Variants in XPO1 observed in about 807,000 individuals in gnomAD.
XPO1 encodes exportin-1.
A neutral mutation model predicts 133.3 loss-of-function variants in XPO1; 5 were observed. The ratio of observed to expected loss-of-function variants is 0.04; its 90% confidence interval spans 0.02 to 0.08. XPO1 has a LOEUF of 0.08. XPO1 is among the 10% of genes least tolerant of loss of function. The pLI is 1.00. For missense variants in XPO1, 506 were observed against 1,267.5 expected (o/e 0.40, Z 9.12); for synonymous variants, 419 against 408.2 (o/e 1.03, Z -0.32).
In XPO1 at chr2:61,492,257, A is replaced by C; in HGVS notation, c.1724-59T>G. 1 of 1,588,920 alleles carries C rather than the reference A, an allele frequency of 6.3e-7. No homozygotes were observed. Among genetic ancestry groups the C allele is most frequent in the South Asian group, 1.2e-5 (1 of 86,520 alleles). On this transcript the variant is annotated intron_variant, in intron 15 of 24. Coordinates refer to ENST00000401558, the MANE Select transcript of XPO1 (RefSeq NM_003400.4). The surrounding 1 kb of genome is among the most constrained non-coding windows in gnomAD (Gnocchi z 5.6). The stretch of plus-strand genomic sequence containing the variant: ...TGGACTCCATCATGGGTCTCTAACA[A>C]GACAAAAACATTCATTTATTTTCTT...
Position 61,526,472 on chromosome 2 carries a change from G to A in XPO1, c.176C>T (p.Ala59Val). 6.2e-7 allele frequency: 1 copy of A among 1,608,042 alleles called. No individual in the cohort carries two copies. Among genetic ancestry groups the A allele is most frequent in the Non-Finnish European group, 8.5e-7 (1 of 1,178,612 alleles). The change falls in exon 3 of 25, where the codon GCT becomes GTT. Residue 59 changes from alanine to valine, a missense_variant. Transcript: ENST00000401558. ...CAAAATTGTGTCGACTCTTGTCCAAGCATCAGGATGCTCCTTTAAATGTGT... is the reference window on the plus strand; with the variant it reads ...CAAAATTGTGTCGACTCTTGTCCAAACATCAGGATGCTCCTTTAAATGTGT... The part of the protein sequence containing the change: ...VLTHLKEHPD[A>V]WTRVDTILEF...
intron 2 of XPO1, among the ~76,000 whole-genome samples, chr2:61,533,374 T>G (rs1699240739): frequency 6.6e-6 from 1 of 152,194 alleles, no homozygotes; most frequent in Non-Finnish European, 1.5e-5. Flanking sequence ...TGCACAAAAT[T>G]CAACTAACAT....
intron 4 of XPO1, among the ~76,000 whole-genome samples, chr2:61,519,993 T>C (rs1698610752): frequency 6.6e-6 from 1 of 152,140 alleles, no homozygotes; most frequent in Non-Finnish European, 1.5e-5. Flanking sequence ...CTTTTACATG[T>C]GTTTTGTCTT....
rs1366226074 is a variant in XPO1, at chr2:61,478,471, T to C, written c.*349A>G. On this transcript the variant is annotated 3_prime_UTR_variant, in exon 25 of 25. Coordinates refer to ENST00000401558, the MANE Select transcript of XPO1 (RefSeq NM_003400.4). ...AATGCTCCCTAATTAAAAATTGGTA[T>C]TGTTTACAGGAAAAATTGTATAATT... is the stretch of plus-strand genomic sequence containing the variant. 1 of 272,210 alleles carries C rather than the reference T, an allele frequency of 3.7e-6. No individual in the cohort carries two copies. The highest frequency in any genetic ancestry group is 5.6e-5 in the East Asian group (1 of 17,892). The allele number at this position is 272,210 out of a possible 1,614,324, so 16.9% of individuals were successfully genotyped here. A position where few individuals can be genotyped will look rare whatever the true frequency, so the allele number is the denominator to read the frequency against.
At chr2:61,489,973 C>T (rs1696893069) in intron 17 of XPO1, among the ~76,000 whole-genome samples, 2 of 151,432 alleles carry the variant, frequency 1.3e-5, no homozygotes, top group Admixed American at 1.3e-4. Flanking sequence ...TCACTGCAAG[C>T]TCCGCCTCCT....
At chr2:61,487,858 A>G (rs1216662320) in intron 19 of XPO1, among the ~76,000 whole-genome samples, 1 of 152,202 alleles carries the variant, frequency 6.6e-6, no homozygotes, top group African/African-American at 2.4e-5. Context: ...AGAGGAATGC[A>G]AAAACTGCAC....
intron 4 of XPO1, chr2:61,502,542 C>G (rs1418880696): frequency 2.6e-6 from 1 of 379,006 alleles, no homozygotes; most frequent in Non-Finnish European, 4.8e-6. Flanking sequence ...CACCTGAGGC[C>G]AGGAATTCGA....
intron 2 of XPO1, 148 bp from the exon 3 acceptor site, chr2:61,526,669 C>T (rs1698915522): frequency 3.6e-6 from 2 of 558,494 alleles, no homozygotes; most frequent in South Asian, 8.1e-5. Flanking sequence ...TTAGACCTTA[C>T]AGAAATAGAA....
chr2:61,487,236 TTAA>T lies in XPO1; in HGVS notation c.2313+926_2313+928del, dbSNP rs1274955108. The stretch of plus-strand genomic sequence containing the variant: ...TGAACAAATATCCCAAACTTTAACA[TTAA>T]TGTTACAAAAGATGATACCCTTTGT... On this transcript the variant is annotated intron_variant, in intron 19 of 24. Transcript: ENST00000401558. 8.4e-4 allele frequency among the ~76,000 whole-genome samples: 128 copies of T among 152,248 alleles called. 1 individual carries two copies. Among genetic ancestry groups the T allele is most frequent in the Non-Finnish European group, 2.2e-4 (15 of 68,022 alleles).
At chr2:61,497,313 G>C (rs1697287294) in intron 9 of XPO1, among the ~76,000 whole-genome samples, 1 of 152,090 alleles carries the variant, frequency 6.6e-6, no homozygotes, top group African/African-American at 2.4e-5. Flanking sequence ...TTGGATTCAA[G>C]CGATTCTCCT....
rs1476712773 is a variant in XPO1, at chr2:61,492,318, G to A, written c.1723+7C>T. The A allele has an allele frequency of 1.3e-6, 2 of 1,585,748 alleles. No homozygotes were observed. The highest frequency in any genetic ancestry group is 2.3e-5 in the South Asian group (2 of 85,316). On this transcript the variant is annotated splice_region_variant and intron_variant, in intron 15 of 24. Coordinates refer to ENST00000401558, the MANE Select transcript of XPO1 (RefSeq NM_003400.4). The surrounding 1 kb of genome is among the most constrained non-coding windows in gnomAD (Gnocchi z 5.6). ...AAAAGCAAAATATAGTAAAGAAAGA[G>A]ATTTACCATGCATGAATTCGAACAG...
intron 17 of XPO1, among the ~76,000 whole-genome samples, chr2:61,489,623 C>T (rs530863583): frequency 8.0e-5 from 12 of 150,418 alleles, no homozygotes; most frequent in African/African-American, 2.7e-4. Context: ...GGCGTGATCT[C>T]GGCTCACTGC....
Position 61,492,504 on chromosome 2 carries a change from T to C in XPO1, c.1567-23A>G, listed in dbSNP as rs2104433665. The C allele has an allele frequency of 6.3e-7, 1 of 1,588,652 alleles. No homozygotes were observed. Among genetic ancestry groups the C allele is most frequent in the South Asian group, 1.2e-5 (1 of 86,174 alleles). On this transcript the variant is annotated intron_variant, in intron 14 of 24. Coordinates refer to ENST00000401558, the MANE Select transcript of XPO1 (RefSeq NM_003400.4). The surrounding 1 kb of genome is among the most constrained non-coding windows in gnomAD (Gnocchi z 5.6). ...ATCCTGTAAATAAGACAAATTTGTA[T>C]TATTTATTGTAACAACATAATACTT...
chr2:61,483,567 CATGA>C (rs1248703355), intron 21 of XPO1: 6 of 184,646 alleles, frequency 3.2e-5, no homozygotes, highest in Non-Finnish European at 2.2e-5. Flanking sequence ...AAAAGAACCT[CATGA>C]ATATTTTTTA....
At position 61,482,392 on chromosome 2, in the gene XPO1, G is replaced by A. The variant is rs762915385; in HGVS notation, c.2960C>T (p.Pro987Leu). ...YVANLLKSAFPHLQDAQVKLF... is the reference protein window; with the variant it reads ...YVANLLKSAFLHLQDAQVKLF... ...AAGGTATATTTACTCTTGTAGGTGA[G>A]GGAAGGCCGACTTAAGGAGATTAGC... Residue 987 changes from proline (P) to leucine (L), a missense_variant, in exon 23 of 25, where the codon CCT (proline) becomes CTT (leucine). Pro to Leu is a moderately conservative substitution (Grantham distance 98). This residue lies in a region of XPO1 where 203 missense variants were observed against 365.9 expected (regional missense o/e 0.55). Coordinates refer to ENST00000401558, the MANE Select transcript of XPO1 (RefSeq NM_003400.4). 2 of 1,608,674 alleles carry A rather than the reference G, an allele frequency of 1.2e-6. No homozygotes were observed. Among genetic ancestry groups the A allele is most frequent in the Non-Finnish European group, 1.7e-6 (2 of 1,178,360 alleles).
At chr2:61,486,181 A>G (rs1696683117) in intron 19 of XPO1, among the ~76,000 whole-genome samples, 1 of 151,798 alleles carries the variant, frequency 6.6e-6, no homozygotes, top group African/African-American at 2.4e-5. Flanking sequence ...ACTGTCATTC[A>G]AGACTTTTTT....
chr2:61,527,197 C>T (rs1031237199), intron 2 of XPO1, among the ~76,000 whole-genome samples: 2 of 151,772 alleles, frequency 1.3e-5, no homozygotes, highest in Non-Finnish European at 2.9e-5. Context: ...AGGCCAGTAG[C>T]AGTGTTTCAT....
At chr2:61,486,438 G>A (rs1018155407) in intron 19 of XPO1, among the ~76,000 whole-genome samples, 7 of 148,012 alleles carry the variant, frequency 4.7e-5, no homozygotes, top group African/African-American at 1.0e-4. Context: ...ATGTAAGATG[G>A]CAGCAAGCGA....
Position 61,482,385 on chromosome 2 carries a change from T to C in XPO1, c.2967A>G (p.Leu989=). ...ANLLKSAFPH[L]QDAQVKLFVT... is the part of the protein sequence containing the mutation. ...TTATTAAAAGGTATATTTACTCTTG[T>C]AGGTGAGGGAAGGCCGACTTAAGGA... Residue 989 remains leucine, a synonymous_variant, in exon 23 of 25, where the codon CTA becomes CTG. Transcript: ENST00000401558. 2 of 1,607,418 alleles carry C rather than the reference T, an allele frequency of 1.2e-6. No homozygotes were observed. Among genetic ancestry groups the C allele is most frequent in the Non-Finnish European group, 1.7e-6 (2 of 1,177,722 alleles).
Sources: gnomAD v4.1 joint callset for allele counts (sites outside exome capture counted in the v4.1 genomes callset) on GRCh38, gnomAD v4.1.1 for gene constraint, gnomAD v4.1.1 regional missense constraint, Gnocchi (gnomAD v3.1) non-coding constraint, MANE v1.5 for transcripts, NCBI Gene and HGNC (gene_info 2026-07-23, HGNC 2026-07-21) for gene names.